TMEM117: variants seen among roughly 807,000 people sequenced by gnomAD.
TMEM117 encodes transmembrane protein 117.
In TMEM117, 27 loss-of-function variants were observed where a neutral mutation model predicts 52.4. The observed-to-expected ratio is 0.51, with a 90% CI of 0.38 to 0.71. The LOEUF is 0.71. TMEM117 is among the 30% of genes least tolerant of loss of function. TMEM117 has a pLI of 0.00. For synonymous variants in TMEM117, 215 were observed against 206.3 expected (o/e 1.04, Z -0.36); for missense variants, 556 against 630.5 (o/e 0.88, Z 1.26).
In TMEM117 at chr12:44,227,896, T is replaced by C. The variant is rs191959729; in HGVS notation, c.608+16509T>C. On this transcript the variant is annotated intron_variant, in intron 5 of 7. Transcript: ENST00000266534. ...AGGATAGATTCTGCCACACAGCATG[T>C]GGCTACTAAATGTTTGTGGAGCATC... Among the ~76,000 whole-genome samples, 360 of 152,300 alleles carry C rather than the reference T, an allele frequency of 2.4e-3. 5 individuals carry two copies. The highest frequency in any genetic ancestry group is 8.3e-3 in the African/African-American group (345 of 41,568).
chr12:43,796,105 AAG>A, the TMEM117 span, among the ~76,000 whole-genome samples: 1 of 152,192 alleles, frequency 6.6e-6, no homozygotes, highest in African/African-American at 2.4e-5. Flanking sequence ...AGCCCTCTAC[AAG>A]AGAGGTAAAC....
chr12:44,133,173 A>C (rs1376694204), intron 3 of TMEM117, among the ~76,000 whole-genome samples: 1 of 152,214 alleles, frequency 6.6e-6, no homozygotes, highest in African/African-American at 2.4e-5. Context: ...CAGAATTTGC[A>C]AAGATGTCTG....
At position 44,389,293 on chromosome 12, in the gene TMEM117, ACTCGTGAAATGTGACTTT is replaced by A. The variant is rs1318643976; in HGVS notation, c.*625_*642del. On this transcript the variant is annotated 3_prime_UTR_variant, in exon 8 of 8. Coordinates refer to ENST00000266534, the MANE Select transcript of TMEM117 (RefSeq NM_032256.3). Reference sequence around the variant, plus strand: ...GATCCATAACCCAACATGGGTCACTACTCGTGAAATGTGACTTTCTCCCACCAGTAATTGAAATGAGGT... The same window carrying A: ...GATCCATAACCCAACATGGGTCACTACTCCCACCAGTAATTGAAATGAGGT... The A allele has an allele frequency of 6.6e-6, 1 of 152,592 alleles. No homozygotes were observed. Among genetic ancestry groups the A allele is most frequent in the Non-Finnish European group, 1.5e-5 (1 of 68,100 alleles). 9.5% of individuals were successfully genotyped at this position (152,592 alleles called of 1,614,324 possible). A position where few individuals can be genotyped will look rare whatever the true frequency, so the allele number is the denominator to read the frequency against.
intron 2 of TMEM117, among the ~76,000 whole-genome samples, chr12:43,913,490 A>G (rs549823754): frequency 6.6e-6 from 1 of 152,298 alleles, no homozygotes; most frequent in African/African-American, 2.4e-5. Flanking sequence ...AGGAAAGGGA[A>G]CTAACAGAGA....
the TMEM117 span, chr12:43,804,245 G>C: frequency 2.0e-6 from 1 of 497,312 alleles, no homozygotes; most frequent in Non-Finnish European, 3.9e-6. Flanking sequence ...CAGAAACTGA[G>C]ACACAAAAAG....
Position 44,339,766 on chromosome 12 carries a change from G to C in TMEM117, c.769-36829G>C, listed in dbSNP as rs945406851. ...GTATATAAGAAAAAATGTATAAAAA[G>C]TACTTTGCTTTGAATTGGAGGATTC... On this transcript the variant is annotated intron_variant, in intron 6 of 7. Coordinates refer to ENST00000266534, the MANE Select transcript of TMEM117 (RefSeq NM_032256.3). Among the ~76,000 whole-genome samples the C allele has an allele frequency of 1.1e-4, 16 of 151,674 alleles. 1 individual carries two copies. Among genetic ancestry groups the C allele is most frequent in the Non-Finnish European group, 2.1e-4 (14 of 67,882 alleles).
At chr12:44,055,018 C>T (rs566827368) in intron 3 of TMEM117, among the ~76,000 whole-genome samples, 1 of 152,282 alleles carries the variant, frequency 6.6e-6, no homozygotes, top group Admixed American at 6.5e-5. Flanking sequence ...GTTAATCCTA[C>T]TCAGAATTTT....
chr12:44,035,590 T>C (rs899804071), intron 3 of TMEM117, among the ~76,000 whole-genome samples: 1 of 152,222 alleles, frequency 6.6e-6, no homozygotes, highest in African/African-American at 2.4e-5. Flanking sequence ...AGGGTAACAC[T>C]GAACGTTGAA....
At chr12:43,918,373 CT>C (rs1944639903) in intron 2 of TMEM117, among the ~76,000 whole-genome samples, 1 of 152,062 alleles carries the variant, frequency 6.6e-6, no homozygotes, top group Non-Finnish European at 1.5e-5. Context: ...GTTTTGAATA[CT>C]TTTTTTGACT....
chr12:43,944,367 TGTG>T, intron 3 of TMEM117, 25 bp downstream of exon 3: 1 of 1,594,682 alleles, frequency 6.3e-7, no homozygotes, highest in Non-Finnish European at 8.5e-7. Flanking sequence ...CCCTTTCTAC[TGTG>T]GTGAGTGTTA....
intron 2 of TMEM117, among the ~76,000 whole-genome samples, chr12:43,863,931 C>T (rs117657439): frequency 0.014 from 2,147 of 152,322 alleles, 29 homozygotes; most frequent in East Asian, 0.046. Flanking sequence ...GGGCTGCGCC[C>T]GGCGCTTGCG....
At chr12:43,804,128 C>T in the TMEM117 span, 1 of 337,214 alleles carries the variant, frequency 3.0e-6, no homozygotes, top group South Asian at 2.3e-5. Flanking sequence ...TAAAAACAAA[C>T]TTAATTGAAT....
At chr12:44,320,777 T>C (rs116683858) in intron 6 of TMEM117, among the ~76,000 whole-genome samples, 1,840 of 152,350 alleles carry the variant, frequency 0.012, 46 homozygotes, top group African/African-American at 0.042. Context: ...ATGGCAATTT[T>C]TAAATATTTC....
At chr12:43,918,411 C>G (rs182528728) in intron 2 of TMEM117, among the ~76,000 whole-genome samples, 1 of 152,188 alleles carries the variant, frequency 6.6e-6, no homozygotes, top group African/African-American at 2.4e-5. Flanking sequence ...TCACCCAGTT[C>G]TTGCCAAGGT....
At chr12:44,236,923 T>C (rs183951933) in intron 5 of TMEM117, among the ~76,000 whole-genome samples, 89 of 152,096 alleles carry the variant, frequency 5.9e-4, no homozygotes, top group Non-Finnish European at 8.7e-4. Flanking sequence ...GCTCCCAACT[T>C]AAAGTCAGGA....
At chr12:44,351,623 C>T (rs1356070176) in intron 6 of TMEM117, among the ~76,000 whole-genome samples, 1 of 151,804 alleles carries the variant, frequency 6.6e-6, no homozygotes. Context: ...CTATCTTTTC[C>T]CCAGTGTATG....
intron 5 of TMEM117, among the ~76,000 whole-genome samples, chr12:44,273,978 G>T (rs1465638129): frequency 6.6e-6 from 1 of 151,952 alleles, no homozygotes; most frequent in South Asian, 2.1e-4. Context: ...AATCAGACAA[G>T]AAAGAAATAA....
At chr12:43,882,797 T>C (rs962307004) in intron 2 of TMEM117, among the ~76,000 whole-genome samples, 2 of 152,214 alleles carry the variant, frequency 1.3e-5, no homozygotes, top group African/African-American at 4.8e-5. Flanking sequence ...GCTTATTCGA[T>C]GATCAGATGT....
chr12:43,855,705 A>T (rs1213087345), intron 2 of TMEM117, among the ~76,000 whole-genome samples: 1 of 152,202 alleles, frequency 6.6e-6, no homozygotes, highest in Non-Finnish European at 1.5e-5. Context: ...AACAAAAAGG[A>T]TATCTCCCAT....
Sources: gnomAD v4.1 joint callset for allele counts (sites outside exome capture counted in the v4.1 genomes callset) on GRCh38, gnomAD v4.1.1 for gene constraint, MANE v1.5 for transcripts, NCBI Gene and HGNC (gene_info 2026-07-23, HGNC 2026-07-21) for gene names.